PACS1: variants seen among roughly 807,000 people sequenced by gnomAD.
The protein encoded by PACS1 is phosphofurin acidic cluster sorting protein 1.
In PACS1, 24 loss-of-function variants were observed where a neutral mutation model predicts 115.0. The ratio of observed to expected loss-of-function variants is 0.21; its 90% CI spans 0.15 to 0.29. The LOEUF (loss-of-function observed/expected upper bound fraction) is 0.29. Among genes scored for constraint, PACS1 ranks in the 10% least tolerant of loss-of-function variants. The pLI is 1.00. For missense variants in PACS1, 838 were observed against 1,251.2 expected (o/e 0.67, Z 4.98); for synonymous variants, 453 against 504.5 (o/e 0.90, Z 1.37).
chr11:66,216,608 G>A lies in PACS1; in HGVS notation c.894G>A (p.Gly298=), dbSNP rs1377844436. 12 of 1,613,354 alleles carry A rather than the reference G, an allele frequency of 7.4e-6. No homozygotes were observed. Among genetic ancestry groups the A allele is most frequent in the South Asian group, 2.2e-5 (2 of 91,074 alleles). ...AAGGCAGTGATGATCCATTGCATGG[G>A]CAGGTAACTTTCTGTGGTCCCTCAC... is the stretch of plus-strand genomic sequence containing the variant. ...EQEGSDDPLH[G]QDLFYEDEDL... The change falls in exon 6 of 24, where the codon GGG becomes GGA. Residue 298 remains glycine (G), a synonymous_variant. Coordinates refer to ENST00000320580, the MANE Select transcript of PACS1 (RefSeq NM_018026.4).
Position 66,233,711 on chromosome 11 carries a change from G to T in PACS1, c.1839-74G>T. ...CTGTGGGTTGTTGAGATCACAGAAAGTCAGCTCTGGGCCTCCCCCGGGCAG... is the reference window on the plus strand; with the variant it reads ...CTGTGGGTTGTTGAGATCACAGAAATTCAGCTCTGGGCCTCCCCCGGGCAG... On this transcript the variant is annotated intron_variant, in intron 15 of 23. Transcript: ENST00000320580. This position sits in a 1 kb window ranked among gnomAD's most constrained non-coding sequence, Gnocchi z 4.5. The T allele has an allele frequency of 4.8e-6, 7 of 1,456,900 alleles. No homozygotes were observed. Among genetic ancestry groups the T allele is most frequent in the Non-Finnish European group, 6.5e-6 (7 of 1,078,576 alleles). 90.2% of individuals were successfully genotyped at this position (1,456,900 alleles called of 1,614,324 possible). A position where few individuals can be genotyped will look rare whatever the true frequency, so the allele number is the denominator to read the frequency against.
intron 1 of PACS1, among the ~76,000 whole-genome samples, chr11:66,146,576 A>ACAC (rs1859128774): frequency 3.3e-5 from 5 of 152,174 alleles, no homozygotes; most frequent in Admixed American, 2.6e-4. Context: ...GCATACCAAC[A>ACAC]CACATGTCAC....
At chr11:66,121,386 A>G (rs913061317) in intron 1 of PACS1, among the ~76,000 whole-genome samples, 1 of 152,162 alleles carries the variant, frequency 6.6e-6, no homozygotes, top group South Asian at 2.1e-4. Flanking sequence ...TAACCCTACA[A>G]TGGCTTTTAA....
intron 1 of PACS1, among the ~76,000 whole-genome samples, chr11:66,174,684 C>T (rs1859812542): frequency 6.6e-6 from 1 of 151,938 alleles, no homozygotes; most frequent in Non-Finnish European, 1.5e-5. Flanking sequence ...AAAAGACAGA[C>T]CTATAGAGAT....
intron 19 of PACS1, chr11:66,238,577 T>A (rs1302333078): frequency 2.0e-6 from 1 of 497,192 alleles, no homozygotes; most frequent in Non-Finnish European, 3.6e-6. Context: ...CTCAGCTCAC[T>A]GAAACCTCCG....
chr11:66,237,460 T>C (rs1053735593), intron 19 of PACS1, among the ~76,000 whole-genome samples: 5 of 152,258 alleles, frequency 3.3e-5, no homozygotes, highest in Non-Finnish European at 7.3e-5. Flanking sequence ...CTGCTCTCCC[T>C]GCTTTCTGCG....
chr11:66,088,466 T>G (rs1857608306), intron 1 of PACS1, among the ~76,000 whole-genome samples: 1 of 152,220 alleles, frequency 6.6e-6, no homozygotes, highest in African/African-American at 2.4e-5. Context: ...ACATTTCCCC[T>G]GATACGGATA....
At chr11:66,189,617 G>C (rs1469527228) in intron 1 of PACS1, among the ~76,000 whole-genome samples, 2 of 152,208 alleles carry the variant, frequency 1.3e-5, no homozygotes, top group Non-Finnish European at 2.9e-5. Flanking sequence ...GGCGCAGAGT[G>C]AATGTTCTCT....
intron 1 of PACS1, among the ~76,000 whole-genome samples, chr11:66,189,679 T>C (rs755641155): frequency 2.0e-5 from 3 of 152,242 alleles, no homozygotes; most frequent in African/African-American, 4.8e-5. Context: ...AAGAAACTCA[T>C]GTCCCTGACT....
At chr11:66,230,045 C>T (rs1045591478) in intron 11 of PACS1, among the ~76,000 whole-genome samples, 4 of 146,286 alleles carry the variant, frequency 2.7e-5, no homozygotes, top group Non-Finnish European at 6.0e-5. Context: ...GTGGCCAGAG[C>T]GGGACACACA....
At chr11:66,219,543 A>T (rs1250658590) in intron 7 of PACS1, 1 of 690,322 alleles carries the variant, frequency 1.4e-6, no homozygotes, top group Non-Finnish European at 2.7e-6. Flanking sequence ...TTCTCCCCGC[A>T]GCTGCACCCA....
At chr11:66,213,096 G>A (rs535114952) in intron 4 of PACS1, among the ~76,000 whole-genome samples, 28 of 152,006 alleles carry the variant, frequency 1.8e-4, no homozygotes, top group Admixed American at 1.3e-3. Flanking sequence ...CAAGTGATCC[G>A]CTGCTTTGGC....
At position 66,070,473 on chromosome 11, in the gene PACS1, C is replaced by G; in HGVS notation, c.-14C>G. The G allele has an allele frequency of 7.9e-7, 1 of 1,260,188 alleles. No homozygotes were observed. Among genetic ancestry groups the G allele is most frequent in the Non-Finnish European group, 9.9e-7 (1 of 1,005,662 alleles). 78.1% of individuals were successfully genotyped at this position (1,260,188 alleles called of 1,614,324 possible). A position where few individuals can be genotyped will look rare whatever the true frequency, so the allele number is the denominator to read the frequency against. The stretch of plus-strand genomic sequence containing the variant: ...GCGTCGCCTCGGCCTCCGTAACCCC[C>G]GCCTAGCCGGGCCATGGCGGAACGC... On this transcript the variant is annotated 5_prime_UTR_variant, in exon 1 of 24. Coordinates refer to ENST00000320580, the MANE Select transcript of PACS1 (RefSeq NM_018026.4). The surrounding 1 kb of genome is among the most constrained non-coding windows in gnomAD (Gnocchi z 5.9).
At chr11:66,146,987 G>A (rs1002211928) in intron 1 of PACS1, among the ~76,000 whole-genome samples, 2 of 152,208 alleles carry the variant, frequency 1.3e-5, no homozygotes, top group Non-Finnish European at 2.9e-5. Context: ...AACCTGGAAA[G>A]TGGAGCTTGC....
At chr11:66,097,393 G>C (rs555472469) in intron 1 of PACS1, among the ~76,000 whole-genome samples, 1 of 152,282 alleles carries the variant, frequency 6.6e-6, no homozygotes, top group African/African-American at 2.4e-5. Context: ...CTGTGGCAGG[G>C]AGCTCAGGGC....
chr11:66,098,101 C>T (rs1013942221), intron 1 of PACS1, among the ~76,000 whole-genome samples: 2 of 152,086 alleles, frequency 1.3e-5, no homozygotes, highest in Middle Eastern at 3.2e-3. Flanking sequence ...CACTTGAGCT[C>T]GGGAGATGGA....
chr11:66,193,870 A>G (rs1286798670), intron 2 of PACS1, among the ~76,000 whole-genome samples: 12 of 152,236 alleles, frequency 7.9e-5, no homozygotes, highest in Admixed American at 7.9e-4. Flanking sequence ...TAAACTACTC[A>G]GAAATTACTA....
In PACS1 at chr11:66,236,713, C is replaced by T. The variant is rs1396081840; in HGVS notation, c.2250+773C>T. Among the ~76,000 whole-genome samples the T allele has an allele frequency of 6.6e-6, 1 of 152,116 alleles. No homozygotes were observed. Among genetic ancestry groups the T allele is most frequent in the Non-Finnish European group, 1.5e-5 (1 of 68,018 alleles). Reference sequence around the variant, plus strand: ...GCAGGACTGAAAACTCCGATTTCCACTTAAAAGAGCTTTACATTTCCCTTC... The same window carrying T: ...GCAGGACTGAAAACTCCGATTTCCATTTAAAAGAGCTTTACATTTCCCTTC... On this transcript the variant is annotated intron_variant, in intron 19 of 23. Coordinates refer to ENST00000320580, the MANE Select transcript of PACS1 (RefSeq NM_018026.4). The surrounding 1 kb of genome is among the most constrained non-coding windows in gnomAD (Gnocchi z 4.2).
rs58980906 is a variant in PACS1 at position 66,162,112 on chromosome 11, G to GTTTTTTTTTTTTTTTTTTTTTTTTTTT, written c.357-31369_357-31343dup. Among the ~76,000 whole-genome samples, 2 of 56,320 alleles carry GTTTTTTTTTTTTTTTTTTTTTTTTTTT rather than the reference G, an allele frequency of 3.6e-5. 1 individual carries two copies. The allele number at this position is 56,320 out of a possible 152,430, so 36.9% of individuals were successfully genotyped here. ...ATGTTTTCTGTTGGTGGTGGTGGTGGTTTTTTTTTTTTTTTTTTTTTTTTT... is the reference window on the plus strand; with the variant it reads ...ATGTTTTCTGTTGGTGGTGGTGGTGGTTTTTTTTTTTTTTTTTTTTTTTTTTTTTTTTTTTTTTTTTTTTTTTTTTTT... On this transcript the variant is annotated intron_variant, in intron 1 of 23. Transcript: ENST00000320580.
Sources: gnomAD v4.1 joint callset for allele counts (sites outside exome capture counted in the v4.1 genomes callset) on GRCh38, gnomAD v4.1.1 for gene constraint, Gnocchi (gnomAD v3.1) non-coding constraint, MANE v1.5 for transcripts, NCBI Gene and HGNC (gene_info 2026-07-23, HGNC 2026-07-21) for gene names.